PPP1R3F: variants seen among roughly 807,000 people sequenced by gnomAD.
PPP1R3F encodes the protein protein phosphatase 1 regulatory subunit 3F.
A neutral mutation model predicts 24.2 loss-of-function variants in PPP1R3F; 29 were observed. The ratio of observed to expected loss-of-function variants is 1.20; its 90% CI spans 0.89 to 1.63. The LOEUF (loss-of-function observed/expected upper bound fraction) is 1.63. PPP1R3F is among the 40% of genes most tolerant of loss of function. PPP1R3F has a pLI of 0.00. For synonymous variants in PPP1R3F, 363 were observed against 340.1 expected, an observed-to-expected ratio of 1.07 and a Z score of -0.74; for missense variants, 823 against 729.3, an observed-to-expected ratio of 1.13 and a Z score of -1.48.
chrX:49,285,343 A>G (rs994782446), intron 3 of PPP1R3F, among the ~76,000 whole-genome samples: 14 of 110,551 alleles, frequency 1.3e-4, no homozygotes, highest in Admixed American at 1.9e-4. Context: ...TTACAGGCGC[A>G]CAACACCACG....
chrX:49,282,664 G>A (rs181631292), intron 3 of PPP1R3F, among the ~76,000 whole-genome samples: 12 of 109,214 alleles, frequency 1.1e-4, no homozygotes, highest in Admixed American at 8.9e-4. Flanking sequence ...CATGACTAAC[G>A]TGTGTGAGGG....
chrX:49,286,050 C>T lies in PPP1R3F; in HGVS notation c.1360C>T (p.Gln454Ter). The change falls in exon 4 of 4, where the codon CAG becomes TAG. Residue 454 changes from glutamine (Q) to a stop codon, truncating the protein, a stop_gained. Transcript: ENST00000055335. LOFTEE classifies it high-confidence loss of function. Reference protein sequence around the residue: ...TGPFLEPSQQQAEATWGVSSE... With the variant: ...TGPFLEPSQQ ...GCCTTTCCTGGAGCCCAGTCAGCAG[C>T]AGGCAGAGGCCACATGGGGAGTATC... is the stretch of plus-strand genomic sequence containing the variant. 1 of 1,176,155 alleles carries T rather than the reference C, an allele frequency of 8.5e-7. No individual in the cohort carries two copies. Among genetic ancestry groups the T allele is most frequent in the Non-Finnish European group, 1.1e-6 (1 of 875,511 alleles).
At chrX:49,274,528 C>G (rs1240907507) in intron 1 of PPP1R3F, 1 of 112,425 alleles carries the variant, frequency 8.9e-6, no homozygotes, top group Non-Finnish European at 1.9e-5. Context: ...CAGTGTTGAT[C>G]CCTCAGTTCT....
At position 49,270,688 on chromosome X, in the gene PPP1R3F, G is replaced by T; in HGVS notation, c.819G>T (p.Trp273Cys). The T allele has an allele frequency of 1.7e-6, 2 of 1,209,202 alleles. No individual in the cohort carries two copies. The highest frequency in any genetic ancestry group is 3.5e-5 in the South Asian group (2 of 56,632). The change falls in exon 1 of 4, where the codon TGG (tryptophan) becomes TGT (cysteine). Residue 273 changes from tryptophan to cysteine, a missense_variant. Trp to Cys is a radical substitution (Grantham distance 215). Transcript: ENST00000055335. ...ATGAGACCCCTGAGGGCACTTTCTG[G>T]GCCAACAACCACGGCCGCAACTACA... ...VRYETPEGTF[W>C]ANNHGRNYTV...
At chrX:49,281,549 G>A (rs1431592764) in intron 2 of PPP1R3F, 88 bp downstream of exon 2, 1 of 817,748 alleles carries the variant, frequency 1.2e-6, no homozygotes, top group Non-Finnish European at 1.8e-6. Context: ...AATGAAAAAG[G>A]CTGGGCTCAG....
At chrX:49,292,371 G>T (rs958584340), downstream of PPP1R3F, among the ~76,000 whole-genome samples, 6 of 112,738 alleles carry the variant, frequency 5.3e-5, no homozygotes, top group African/African-American at 1.9e-4. Context: ...TCACTTAAAG[G>T]GTCCATTATA....
At chrX:49,280,394 G>A (rs2066240729) in intron 1 of PPP1R3F, among the ~76,000 whole-genome samples, 2 of 110,136 alleles carry the variant, frequency 1.8e-5, no homozygotes, top group African/African-American at 3.3e-5. Flanking sequence ...GATTACAGGC[G>A]CCCACCACCA....
chrX:49,285,187 TACAA>T (rs1557121198), intron 3 of PPP1R3F, among the ~76,000 whole-genome samples: 1 of 110,234 alleles, frequency 9.1e-6, no homozygotes, highest in African/African-American at 3.3e-5. Context: ...TCCTGTGTGT[TACAA>T]ACAATCCACT....
rs190754609 is a variant in PPP1R3F at position 49,278,676 on chromosome X, T to C, written c.1005-2730T>C. 1.7e-4 allele frequency among the ~76,000 whole-genome samples: 19 copies of C among 112,443 alleles called. No individual in the cohort carries two copies. In the Admixed American group the frequency reaches 1.8e-3, roughly 11 times the overall value. On this transcript the variant is annotated intron_variant, in intron 1 of 3. Coordinates refer to ENST00000055335, the MANE Select transcript of PPP1R3F (RefSeq NM_033215.5). ...TAGATCCGTATATATGGTTCAAATG[T>C]TCTCCCCGAGGGTGTTTATAGAAAG...
At position 49,286,167 on chromosome X, in the gene PPP1R3F, C is replaced by G. The variant is rs782015962; in HGVS notation, c.1477C>G (p.Leu493Val). Residue 493 changes from leucine to valine, a missense_variant, in exon 4 of 4, where the codon CTG (leucine) becomes GTG (valine). Physicochemically the swap from Leu to Val is conservative, Grantham distance 32. Transcript: ENST00000055335. ...TIDQELEQLY[L>V]SHLSRLRAAV... is the part of the protein sequence containing the mutation. ...CGACCAGGAGCTGGAGCAGCTCTAC[C>G]TGTCTCACCTGAGCCGCCTACGGGC... The G allele has an allele frequency of 1.7e-6, 2 of 1,187,323 alleles. No homozygotes were observed. The highest frequency in any genetic ancestry group is 2.3e-6 in the Non-Finnish European group (2 of 882,343).
intron 3 of PPP1R3F, 101 bp from the exon 4 acceptor site, chrX:49,285,733 T>A (rs782037130): frequency 2.0e-5 from 18 of 893,333 alleles, no homozygotes; most frequent in South Asian, 4.2e-5. Flanking sequence ...TGGGGCTGGC[T>A]GTGGGCTGTC....
At chrX:49,274,521 T>C (rs782640095) in intron 1 of PPP1R3F, 12 of 112,383 alleles carry the variant, frequency 1.1e-4, no homozygotes, top group African/African-American at 3.9e-4. Context: ...TCTCCTCCAG[T>C]GTTGATCCCT....
chrX:49,299,944 G>T (rs2066332799), intron 3 of PPP1R3F, among the ~76,000 whole-genome samples: 1 of 112,081 alleles, frequency 8.9e-6, no homozygotes, highest in Non-Finnish European at 1.9e-5. Context: ...TAGTTTGCTG[G>T]GCTCCGTGGT....
Position 49,269,967 on chromosome X carries a change from C to A in PPP1R3F, c.98C>A (p.Ala33Asp). The stretch of plus-strand genomic sequence containing the variant: ...CGCACCTCGGTCGAGGCGGCGGTGG[C>A]CCCGCGGAGGGTGCTGTTCGCCGAC... ...EPRTSVEAAV[A>D]PRRVLFADEA... The change falls in exon 1 of 4, where the codon GCC becomes GAC. Residue 33 changes from alanine to aspartate, a missense_variant. Transcript: ENST00000055335. 1.1e-6 allele frequency: 1 copy of A among 906,697 alleles called. No homozygotes were observed. The highest frequency in any genetic ancestry group is 1.4e-6 in the Non-Finnish European group (1 of 736,517). The allele number at this position is 906,697 out of a possible 1,213,427, so 74.7% of individuals were successfully genotyped here. A position where few individuals can be genotyped will look rare whatever the true frequency, so the allele number is the denominator to read the frequency against.
In PPP1R3F at chrX:49,285,928, C is replaced by T. The variant is rs201389167; in HGVS notation, c.1238C>T (p.Pro413Leu). The change falls in exon 4 of 4, where the codon CCG (proline) becomes CTG (leucine). Residue 413 changes from proline to leucine, a missense_variant. Physicochemically the swap from Pro to Leu is moderately conservative, Grantham distance 98. Transcript: ENST00000055335. ...PVAFTEVLQA[P>L]AIRIPPSSPL... ...GCTTTTACAGAGGTCCTCCAGGCAC[C>T]GGCCATCAGGATTCCCCCCTCCTCC... 9.1e-6 allele frequency: 11 copies of T among 1,206,743 alleles called. No homozygotes were observed. Among genetic ancestry groups the T allele is most frequent in the East Asian group, 3.0e-5 (1 of 33,701 alleles).
rs782816785 is a variant in PPP1R3F, at chrX:49,281,969, T to C, written c.1061-12T>C. ...CCTGTCTTGCCCAATGCTGCCTTTCTCTTCCCTCTAGCAGAGCATCCTGAT... is the reference window on the plus strand; with the variant it reads ...CCTGTCTTGCCCAATGCTGCCTTTCCCTTCCCTCTAGCAGAGCATCCTGAT... On this transcript the variant is annotated splice_polypyrimidine_tract_variant and intron_variant, in intron 2 of 3. Coordinates refer to ENST00000055335, the MANE Select transcript of PPP1R3F (RefSeq NM_033215.5). 1.7e-6 allele frequency: 2 copies of C among 1,187,151 alleles called. No homozygotes were observed. Among genetic ancestry groups the C allele is most frequent in the South Asian group, 3.6e-5 (2 of 56,314 alleles).
intron 1 of PPP1R3F, chrX:49,275,594 C>T (rs782096833): frequency 4.5e-5 from 5 of 111,282 alleles, no homozygotes; most frequent in African/African-American, 1.3e-4. Context: ...AGGCACTGAT[C>T]GCAGTTTGTA....
intron 1 of PPP1R3F, among the ~76,000 whole-genome samples, chrX:49,276,952 G>A (rs2066217396): frequency 8.9e-6 from 1 of 112,523 alleles, no homozygotes; most frequent in Non-Finnish European, 1.9e-5. Flanking sequence ...TTATCTTCAG[G>A]TTGACTACAT....
chrX:49,296,964 T>C (rs1333396492), intron 3 of PPP1R3F, among the ~76,000 whole-genome samples: 1 of 110,680 alleles, frequency 9.0e-6, no homozygotes, highest in Non-Finnish European at 1.9e-5. Flanking sequence ...ATAAGTGCGA[T>C]GTGGTGCTGA....
Sources: allele counts gnomAD v4.1 joint callset (sites outside exome capture counted in the v4.1 genomes callset), GRCh38; gene constraint gnomAD v4.1.1; transcripts MANE v1.5; gene names NCBI Gene and HGNC (gene_info 2026-07-23, HGNC 2026-07-21).